The following CADPS variants were observed in gnomAD, a reference collection of about 807,000 sequenced individuals.
CADPS encodes calcium-dependent secretion activator 1.
In CADPS, 57 loss-of-function variants were observed where a neutral mutation model predicts 167.3. The ratio of observed to expected loss-of-function variants is 0.34; its 90% CI spans 0.28 to 0.42. CADPS has a LOEUF of 0.42. CADPS is among the 20% of genes least tolerant of loss of function. The pLI is 1.00. For missense variants in CADPS, 1,414 were observed against 1,738.1 expected, an observed-to-expected ratio of 0.81 and a Z score of 3.32; for synonymous variants, 676 against 635.3, an observed-to-expected ratio of 1.06 and a Z score of -0.96.
chr3:62,852,617 G>T (rs1199812425), intron 1 of CADPS, among the ~76,000 whole-genome samples: 2 of 148,046 alleles, frequency 1.4e-5, no homozygotes, highest in Non-Finnish European at 3.0e-5. Context: ...AAAAAAAAAA[G>T]CTGGCCCAGG....
intron 6 of CADPS, among the ~76,000 whole-genome samples, chr3:62,635,739 T>C (rs896198107): frequency 1.3e-4 from 20 of 152,026 alleles, no homozygotes; most frequent in Non-Finnish European, 2.2e-4. Context: ...AGATCTGCAC[T>C]ATAATTATCT....
chr3:62,702,310 A>T (rs991905004), intron 3 of CADPS, among the ~76,000 whole-genome samples: 1 of 152,128 alleles, frequency 6.6e-6, no homozygotes, highest in African/African-American at 2.4e-5. Context: ...AGATTGTGGG[A>T]GATACAGATA....
At chr3:62,865,635 GAAT>G (rs2081550686) in intron 1 of CADPS, among the ~76,000 whole-genome samples, 1 of 151,668 alleles carries the variant, frequency 6.6e-6, no homozygotes, top group Non-Finnish European at 1.5e-5. Flanking sequence ...AAAATAAAAG[GAAT>G]AACACAGCAA....
intron 13 of CADPS, among the ~76,000 whole-genome samples, chr3:62,521,081 A>G (rs1238321169): frequency 6.6e-6 from 1 of 152,114 alleles, no homozygotes; most frequent in Admixed American, 6.5e-5. Context: ...CCTGGTGACA[A>G]CCTGGATTGG....
At chr3:62,475,350 T>C (rs1483723639) in intron 23 of CADPS, among the ~76,000 whole-genome samples, 2 of 152,150 alleles carry the variant, frequency 1.3e-5, no homozygotes, top group Admixed American at 1.3e-4. Context: ...AGTGGCTTTA[T>C]TAAGGCCCCA....
At chr3:62,423,103 T>C (rs1437196283) in intron 28 of CADPS, among the ~76,000 whole-genome samples, 5 of 152,200 alleles carry the variant, frequency 3.3e-5, no homozygotes, top group Non-Finnish European at 7.3e-5. Flanking sequence ...GAAGCATATA[T>C]GGTATGCAAG....
intron 6 of CADPS, among the ~76,000 whole-genome samples, chr3:62,637,450 G>C (rs2066521462): frequency 6.6e-6 from 1 of 152,208 alleles, no homozygotes; most frequent in Non-Finnish European, 1.5e-5. Flanking sequence ...CTCAAGGGCA[G>C]AGAGCCTCTT....
chr3:62,517,054 T>A (rs2069163543), intron 14 of CADPS, among the ~76,000 whole-genome samples: 1 of 152,140 alleles, frequency 6.6e-6, no homozygotes, highest in Admixed American at 6.6e-5. Flanking sequence ...ATATATGGAA[T>A]AGAAAAGTGG....
At chr3:62,816,793 T>C (rs2094637153) in intron 1 of CADPS, among the ~76,000 whole-genome samples, 1 of 152,114 alleles carries the variant, frequency 6.6e-6, no homozygotes, top group East Asian at 1.9e-4. Context: ...TAGTCATCAC[T>C]CTTTTCACAT....
At chr3:62,578,781 T>C (rs1275957373) in intron 8 of CADPS, among the ~76,000 whole-genome samples, 2 of 152,154 alleles carry the variant, frequency 1.3e-5, no homozygotes, top group East Asian at 1.9e-4. Context: ...AGTAAGGATA[T>C]AGATTCTTTG....
rs140977565 is a variant in CADPS at position 62,874,679 on chromosome 3, C to T, written c.351G>A (p.Lys117=). 2.7e-4 allele frequency: 423 copies of T among 1,555,336 alleles called. 1 individual carries two copies. The African/African-American group carries it at 4.2e-3, about 15-fold the overall frequency. The change falls in exon 1 of 30, where the codon AAG becomes AAA. Residue 117 remains lysine (K), a synonymous_variant. Transcript: ENST00000383710. This position sits in a 1 kb window ranked among gnomAD's most constrained non-coding sequence, Gnocchi z 7.1. ...RLQKEEEERK[K]RLQLYVFVMR... ...TCACGAACACATACAGCTGCAGCCT[C>T]TTCTTCCTCTCCTCCTCCTCTTTCT...
In CADPS at chr3:62,874,877, G is replaced by T; in HGVS notation, c.153C>A (p.Gly51=). The T allele has an allele frequency of 8.6e-7, 1 of 1,169,584 alleles. No homozygotes were observed. Among genetic ancestry groups the T allele is most frequent in the Non-Finnish European group, 1.1e-6 (1 of 950,332 alleles). The allele number at this position is 1,169,584 out of a possible 1,614,324, so 72.5% of individuals were successfully genotyped here. ...GSAGSAGLGG[G]GAGAGAGVGA... The stretch of plus-strand genomic sequence containing the variant: ...CCACCCCGGCTCCGGCGCCGGCGCC[G>T]CCGCCCCCCAGCCCGGCGCTGCCGG... Residue 51 remains glycine (G), a synonymous_variant, in exon 1 of 30, where the codon GGC becomes GGA. Coordinates refer to ENST00000383710, the MANE Select transcript of CADPS (RefSeq NM_003716.4). The surrounding 1 kb of genome is among the most constrained non-coding windows in gnomAD (Gnocchi z 7.1).
intron 28 of CADPS, among the ~76,000 whole-genome samples, chr3:62,419,211 G>A (rs2050804439): frequency 6.6e-6 from 1 of 152,152 alleles, no homozygotes; most frequent in South Asian, 2.1e-4. Context: ...ATGTGATTAA[G>A]CCCCAATCAG....
intron 24 of CADPS, among the ~76,000 whole-genome samples, chr3:62,470,432 T>C: frequency 6.6e-6 from 1 of 152,232 alleles, no homozygotes; most frequent in East Asian, 1.9e-4. Flanking sequence ...ATATTCTTGT[T>C]AAATCTCATT....
chr3:62,475,933 C>G (rs2061265228), intron 23 of CADPS, among the ~76,000 whole-genome samples: 1 of 152,070 alleles, frequency 6.6e-6, no homozygotes, highest in African/African-American at 2.4e-5. Context: ...GTTCATAGCC[C>G]TTGGAGTGCA....
chr3:62,723,023 T>C (rs2076102853), intron 3 of CADPS, among the ~76,000 whole-genome samples: 1 of 152,202 alleles, frequency 6.6e-6, no homozygotes, highest in African/African-American at 2.4e-5. Flanking sequence ...GCTAATTTTA[T>C]TCATTAGTTG....
chr3:62,642,037 A>G (rs2067529456), intron 6 of CADPS, among the ~76,000 whole-genome samples: 1 of 151,984 alleles, frequency 6.6e-6, no homozygotes, highest in African/African-American at 2.4e-5. Flanking sequence ...AATTCAATAC[A>G]TGAGGATTCC....
At chr3:62,593,085 T>A (rs768024495) in intron 6 of CADPS, among the ~76,000 whole-genome samples, 18 of 152,358 alleles carry the variant, frequency 1.2e-4, no homozygotes, top group South Asian at 2.1e-4. Context: ...TTTCATTGCA[T>A]CCTTTGACTT....
intron 20 of CADPS, among the ~76,000 whole-genome samples, chr3:62,492,002 G>C (rs1205397987): frequency 6.6e-6 from 1 of 152,036 alleles, no homozygotes; most frequent in African/African-American, 2.4e-5. Flanking sequence ...ATATGAAGAG[G>C]TTAATTAATT....
Sources: allele counts gnomAD v4.1 joint callset (sites outside exome capture counted in the v4.1 genomes callset), GRCh38; gene constraint gnomAD v4.1.1; non-coding constraint Gnocchi (gnomAD v3.1); transcripts MANE v1.5; gene names NCBI Gene and HGNC (gene_info 2026-07-23, HGNC 2026-07-21).